Variants in FAM110B observed in about 807,000 individuals in gnomAD.
FAM110B encodes protein FAM110B.
Under a neutral mutation model 20.4 loss-of-function variants are expected in FAM110B, and 6 were observed. That is an observed-to-expected ratio of 0.29 (90% CI 0.16 to 0.58). The LOEUF (loss-of-function observed/expected upper bound fraction) is 0.58, where lower values mean the gene tolerates loss of function less well. Among genes scored for constraint, FAM110B ranks in the 20% least tolerant of loss-of-function variants. FAM110B has a pLI of 0.90. For synonymous variants in FAM110B, 226 were observed against 214.1 expected, an observed-to-expected ratio of 1.06 and a Z score of -0.49; for missense variants, 434 against 498.2, an observed-to-expected ratio of 0.87 and a Z score of 1.23.
Position 58,148,703 on chromosome 8 carries a change from A to G in FAM110B, c.*1360A>G, listed in dbSNP as rs1803928902. ...CTTTTTATGGTGTAAATGCTGTAAG[A>G]CTTTGTACATACTTCAGTTGTTATG... On this transcript the variant is annotated 3_prime_UTR_variant, in exon 4 of 4. Coordinates refer to ENST00000519262, the MANE Select transcript of FAM110B (RefSeq NM_001377989.1). The G allele has an allele frequency of 3.0e-5, 5 of 167,102 alleles. No homozygotes were observed. The South Asian group carries it at 1.0e-3, about 35-fold the overall frequency. The allele number at this position is 167,102 out of a possible 1,614,324, so 10.4% of individuals were successfully genotyped here. A position where few individuals can be genotyped will look rare whatever the true frequency, so the allele number is the denominator to read the frequency against.
intron 2 of FAM110B, among the ~76,000 whole-genome samples, chr8:58,051,527 T>C (rs1384044907): frequency 6.6e-6 from 1 of 152,138 alleles, no homozygotes; most frequent in African/African-American, 2.4e-5. Context: ...AAAATCAGGC[T>C]GCTTGTTAGG....
At chr8:58,003,001 CT>C (rs1321293934) in intron 1 of FAM110B, among the ~76,000 whole-genome samples, 2 of 152,226 alleles carry the variant, frequency 1.3e-5, no homozygotes, top group African/African-American at 4.8e-5. Flanking sequence ...TTTGATAGCA[CT>C]TTCCCCATAG....
At position 58,125,640 on chromosome 8, in the gene FAM110B, C is replaced by G. The variant is rs533434806; in HGVS notation, c.-324-20267C>G. ...CTGATTTTTAGGCCAAAGTTTGACC[C>G]TAGGTTATTTTCTCAATATTAAAAT... On this transcript the variant is annotated intron_variant, in intron 3 of 3. Transcript: ENST00000519262. Among the ~76,000 whole-genome samples, 451 of 152,254 alleles carry G rather than the reference C, an allele frequency of 3.0e-3. 1 individual carries two copies. The highest frequency in any genetic ancestry group is 0.01 in the African/African-American group (435 of 41,548).
chr8:58,024,801 T>C (rs1282108239), intron 1 of FAM110B, among the ~76,000 whole-genome samples: 2 of 152,204 alleles, frequency 1.3e-5, no homozygotes, highest in Non-Finnish European at 2.9e-5. Flanking sequence ...CAAGGTCACA[T>C]AGTGCCATGG....
At chr8:58,019,822 G>A (rs1804714564) in intron 1 of FAM110B, among the ~76,000 whole-genome samples, 1 of 151,994 alleles carries the variant, frequency 6.6e-6, no homozygotes, top group African/African-American at 2.4e-5. Flanking sequence ...ATGCTTAGGT[G>A]GGTTTTTCTT....
At chr8:58,104,528 A>C (rs1806863156) in intron 3 of FAM110B, among the ~76,000 whole-genome samples, 2 of 152,326 alleles carry the variant, frequency 1.3e-5, no homozygotes, top group Admixed American at 1.3e-4. Flanking sequence ...TGTAAATATT[A>C]AAAAGTTGAC....
intron 2 of FAM110B, among the ~76,000 whole-genome samples, chr8:58,051,464 G>T (rs1409749904): frequency 2.6e-5 from 4 of 152,098 alleles, no homozygotes; most frequent in African/African-American, 9.7e-5. Context: ...TATTGGTGGT[G>T]GTAGTGCTGG....
At chr8:58,079,380 G>T (rs1282260393) in intron 3 of FAM110B, among the ~76,000 whole-genome samples, 3 of 152,162 alleles carry the variant, frequency 2.0e-5, no homozygotes, top group Admixed American at 6.5e-5. Flanking sequence ...GGTAGATCTA[G>T]GGATAGTCTC....
chr8:58,064,589 T>G (rs1213640860), intron 2 of FAM110B, among the ~76,000 whole-genome samples: 1 of 152,160 alleles, frequency 6.6e-6, no homozygotes, highest in Admixed American at 6.5e-5. Context: ...AGGGAGAGTG[T>G]CAGTTTTTCT....
chr8:58,086,167 G>A (rs1466562909), intron 3 of FAM110B, among the ~76,000 whole-genome samples: 1 of 152,174 alleles, frequency 6.6e-6, no homozygotes, highest in African/African-American at 2.4e-5. Flanking sequence ...TAGTCTCCAA[G>A]AGGGTTAAGC....
At chr8:58,104,000 G>A (rs1232972335) in intron 3 of FAM110B, among the ~76,000 whole-genome samples, 1 of 152,154 alleles carries the variant, frequency 6.6e-6, no homozygotes, top group Non-Finnish European at 1.5e-5. Context: ...TGTATGTTAT[G>A]TATTTGCCAA....
At chr8:58,118,479 G>A (rs1807274019) in intron 3 of FAM110B, among the ~76,000 whole-genome samples, 1 of 152,206 alleles carries the variant, frequency 6.6e-6, no homozygotes, top group Non-Finnish European at 1.5e-5. Context: ...GTGCTTACCG[G>A]AAGATTAGCG....
chr8:58,043,522 C>T (rs550135256), intron 2 of FAM110B, among the ~76,000 whole-genome samples: 49 of 151,840 alleles, frequency 3.2e-4, no homozygotes, highest in African/African-American at 9.9e-4. Flanking sequence ...ATGTGCACAA[C>T]GTGCAAGTTT....
At chr8:58,109,954 T>TTC in intron 3 of FAM110B, among the ~76,000 whole-genome samples, 1 of 152,264 alleles carries the variant, frequency 6.6e-6, no homozygotes, top group Non-Finnish European at 1.5e-5. Flanking sequence ...CAAATGAAAA[T>TTC]TCGGAACATC....
chr8:58,025,948 G>A (rs912168955), intron 1 of FAM110B, among the ~76,000 whole-genome samples: 6 of 152,324 alleles, frequency 3.9e-5, no homozygotes, highest in Non-Finnish European at 7.4e-5. Context: ...GGATTGTGCA[G>A]GAGGTCCATG....
intron 3 of FAM110B, among the ~76,000 whole-genome samples, chr8:58,075,967 T>A (rs1167368486): frequency 6.6e-6 from 1 of 152,116 alleles, no homozygotes; most frequent in Non-Finnish European, 1.5e-5. Flanking sequence ...AAAGAAAATT[T>A]TATTTTTTGT....
intron 2 of FAM110B, among the ~76,000 whole-genome samples, chr8:58,057,235 G>A (rs1278665958): frequency 3.3e-5 from 5 of 152,106 alleles, no homozygotes; most frequent in Admixed American, 1.3e-4. Context: ...CCGGACAGAC[G>A]AGCTCTCCAG....
chr8:58,105,588 T>G (rs35545343), intron 3 of FAM110B, among the ~76,000 whole-genome samples: 22 of 115,608 alleles, frequency 1.9e-4, no homozygotes, highest in Non-Finnish European at 3.3e-4. Flanking sequence ...TTTTTTTTTG[T>G]GACAGAGTCT....
At chr8:58,084,673 C>T (rs1034413854) in intron 3 of FAM110B, among the ~76,000 whole-genome samples, 1 of 152,150 alleles carries the variant, frequency 6.6e-6, no homozygotes, top group Non-Finnish European at 1.5e-5. Context: ...TAGGCATGAG[C>T]CACCGTGCCT....
Sources: gnomAD v4.1 joint callset for allele counts (sites outside exome capture counted in the v4.1 genomes callset) on GRCh38, gnomAD v4.1.1 for gene constraint, MANE v1.5 for transcripts, NCBI Gene and HGNC (gene_info 2026-07-23, HGNC 2026-07-21) for gene names.